Variants in KCNQ5 observed in about 807,000 individuals in gnomAD.
KCNQ5 encodes the protein potassium voltage-gated channel subfamily KQT member 5.
A neutral mutation model predicts 98.2 loss-of-function variants in KCNQ5; 30 were observed. The observed-to-expected ratio is 0.31, with a 90% confidence interval of 0.23 to 0.41. The LOEUF is 0.41. Ranked by LOEUF, KCNQ5 falls within the 10% of genes least tolerant of loss-of-function variation. The pLI, the probability that KCNQ5 is intolerant of heterozygous loss-of-function variation, is 1.00. For missense variants in KCNQ5, 835 were observed against 1,182.5 expected, an observed-to-expected ratio of 0.71 and a Z score of 4.31; for synonymous variants, 458 against 449.4, an observed-to-expected ratio of 1.02 and a Z score of -0.24.
intron 3 of KCNQ5, among the ~76,000 whole-genome samples, chr6:73,052,533 C>A (rs557885002): frequency 6.6e-6 from 1 of 152,268 alleles, no homozygotes; most frequent in East Asian, 1.9e-4. Context: ...AGGCTAACAG[C>A]ACACCTTTCA....
At chr6:73,165,289 TG>T (rs1777752249) in intron 10 of KCNQ5, among the ~76,000 whole-genome samples, 1 of 152,188 alleles carries the variant, frequency 6.6e-6, no homozygotes, top group Non-Finnish European at 1.5e-5. Context: ...CCAGCTGTAC[TG>T]GGACTCCTGA....
intron 3 of KCNQ5, among the ~76,000 whole-genome samples, chr6:73,066,183 A>T (rs1441199268): frequency 6.6e-6 from 1 of 152,202 alleles, no homozygotes; most frequent in African/African-American, 2.4e-5. Flanking sequence ...TGTTAATTAT[A>T]AGATGTTTGC....
chr6:72,778,398 C>T (rs1354533870), intron 1 of KCNQ5, among the ~76,000 whole-genome samples: 1 of 151,954 alleles, frequency 6.6e-6, no homozygotes, highest in Non-Finnish European at 1.5e-5. Context: ...ATTAGCCGGG[C>T]ATGGTGGCAC....
chr6:72,798,080 G>A (rs1462861094), intron 1 of KCNQ5, among the ~76,000 whole-genome samples: 1 of 152,140 alleles, frequency 6.6e-6, no homozygotes, highest in Non-Finnish European at 1.5e-5. Context: ...ATACCCATGA[G>A]TGAACTGGGG....
chr6:72,986,769 G>A (rs1768798793), intron 1 of KCNQ5: 2 of 1,480,684 alleles, frequency 1.4e-6, no homozygotes, highest in Non-Finnish European at 1.9e-6. Context: ...CCCAGACAGG[G>A]TGAAGAGGAA....
At chr6:73,155,112 G>T (rs1337658025) in intron 10 of KCNQ5, among the ~76,000 whole-genome samples, 2 of 152,164 alleles carry the variant, frequency 1.3e-5, no homozygotes, top group Non-Finnish European at 2.9e-5. Context: ...CTCTTGAAAG[G>T]CTTGTCATTC....
intron 3 of KCNQ5, among the ~76,000 whole-genome samples, chr6:73,061,102 A>G (rs1294145342): frequency 6.6e-6 from 1 of 152,192 alleles, no homozygotes; most frequent in Non-Finnish European, 1.5e-5. Context: ...ACAGCTACAG[A>G]AGAATCCCAA....
intron 1 of KCNQ5, among the ~76,000 whole-genome samples, chr6:72,957,914 T>C (rs1405339782): frequency 1.3e-5 from 2 of 152,172 alleles, no homozygotes; most frequent in South Asian, 2.1e-4. Context: ...TAAATCACTC[T>C]TAAATGTTAA....
chr6:72,831,034 A>G (rs1408263737), intron 1 of KCNQ5, among the ~76,000 whole-genome samples: 2 of 152,222 alleles, frequency 1.3e-5, no homozygotes, highest in Non-Finnish European at 2.9e-5. Flanking sequence ...ATGAGATACC[A>G]TCTCACACCA....
chr6:72,677,705 T>A (rs1767481846), intron 1 of KCNQ5, among the ~76,000 whole-genome samples: 1 of 152,214 alleles, frequency 6.6e-6, no homozygotes, highest in Non-Finnish European at 1.5e-5. Context: ...TTCAACTGAA[T>A]GAGAAATTTA....
At chr6:72,897,468 G>A (rs550311415) in intron 1 of KCNQ5, among the ~76,000 whole-genome samples, 44 of 152,198 alleles carry the variant, frequency 2.9e-4, no homozygotes, top group African/African-American at 1.0e-3. Flanking sequence ...CTTGAACCTG[G>A]GAGACAGCTG....
chr6:72,741,397 G>A, intron 1 of KCNQ5, among the ~76,000 whole-genome samples: 1 of 152,170 alleles, frequency 6.6e-6, no homozygotes, highest in East Asian at 1.9e-4. Context: ...CAAAGGTGAA[G>A]AGACTTTCTC....
At chr6:73,061,534 T>A (rs1392722115) in intron 3 of KCNQ5, among the ~76,000 whole-genome samples, 9 of 152,162 alleles carry the variant, frequency 5.9e-5, no homozygotes, top group Non-Finnish European at 1.2e-4. Flanking sequence ...CTCCAGGCAC[T>A]TTTGTCATTG....
intron 1 of KCNQ5, among the ~76,000 whole-genome samples, chr6:72,695,009 C>G (rs999225233): frequency 6.6e-6 from 1 of 152,140 alleles, no homozygotes; most frequent in Non-Finnish European, 1.5e-5. Context: ...TGGCCTCCAG[C>G]TGCATCTATA....
intron 1 of KCNQ5, among the ~76,000 whole-genome samples, chr6:72,669,182 T>C (rs767773793): frequency 6.6e-6 from 1 of 152,170 alleles, no homozygotes; most frequent in Non-Finnish European, 1.5e-5. Context: ...CAAGGTATGA[T>C]TCATCATGAG....
chr6:73,150,832 ATG>A (rs35693535), intron 10 of KCNQ5, among the ~76,000 whole-genome samples: 6 of 148,214 alleles, frequency 4.0e-5, no homozygotes, highest in South Asian at 4.3e-4. Flanking sequence ...ATATATATAT[ATG>A]TGTGTGTGTG....
intron 1 of KCNQ5, among the ~76,000 whole-genome samples, chr6:72,867,868 AAGACTTC>A (rs1778051043): frequency 6.6e-6 from 1 of 151,948 alleles, no homozygotes; most frequent in African/African-American, 2.4e-5. Flanking sequence ...CTCAACACAC[AAGACTTC>A]AGAGAGGTAT....
At chr6:73,150,440 A>T (rs1434590842) in intron 10 of KCNQ5, among the ~76,000 whole-genome samples, 1 of 146,246 alleles carries the variant, frequency 6.8e-6, no homozygotes, top group Non-Finnish European at 1.5e-5. Context: ...GAGTAATATT[A>T]ATATATATAA....
At chr6:72,997,427 C>T (rs1310790550) in intron 1 of KCNQ5, among the ~76,000 whole-genome samples, 3 of 152,024 alleles carry the variant, frequency 2.0e-5, no homozygotes, top group African/African-American at 7.2e-5. Context: ...TAACATCCCA[C>T]ATGTAAAATG....
Sources: gnomAD v4.1 joint callset for allele counts (sites outside exome capture counted in the v4.1 genomes callset) on GRCh38, gnomAD v4.1.1 for gene constraint, MANE v1.5 for transcripts, NCBI Gene and HGNC (gene_info 2026-07-23, HGNC 2026-07-21) for gene names.